The following MEIKIN variants were observed in gnomAD, a reference collection of about 807,000 sequenced individuals.
MEIKIN encodes meiotic kinetochore factor, also known as meiosis-specific kinetochore protein.
At chr5:131,906,977 A>G (rs544383744) in intron 8 of MEIKIN, among the ~76,000 whole-genome samples, 4 of 152,358 alleles carry the variant, frequency 2.6e-5, no homozygotes, top group Admixed American at 6.5e-5. Context: ...CAATTTATCT[A>G]CATAACAAAT....
At chr5:131,856,155 C>A (rs1210031001) in intron 9 of MEIKIN, among the ~76,000 whole-genome samples, 1 of 152,172 alleles carries the variant, frequency 6.6e-6, no homozygotes, top group African/African-American at 2.4e-5. Flanking sequence ...AACACATCAG[C>A]CTCTAACTTA....
intron 8 of MEIKIN, among the ~76,000 whole-genome samples, chr5:131,879,325 T>C (rs1750666627): frequency 6.6e-6 from 1 of 152,200 alleles, no homozygotes; most frequent in East Asian, 1.9e-4. Flanking sequence ...CATGTGATTA[T>C]ACTTCTTCAT....
chr5:131,872,199 C>G (rs539866524), intron 9 of MEIKIN, among the ~76,000 whole-genome samples: 8 of 151,170 alleles, frequency 5.3e-5, no homozygotes, highest in African/African-American at 1.9e-4. Context: ...CAAACTACTC[C>G]GAGCTAAAGG....
intron 12 of MEIKIN, among the ~76,000 whole-genome samples, chr5:131,812,141 T>C (rs1772969568): frequency 1.3e-5 from 2 of 152,232 alleles, no homozygotes; most frequent in African/African-American, 2.4e-5. Context: ...ATGTAGATAA[T>C]ATTAAATATA....
intron 8 of MEIKIN, among the ~76,000 whole-genome samples, chr5:131,884,811 G>C (rs1468655573): frequency 1.3e-5 from 2 of 151,134 alleles, no homozygotes; most frequent in Non-Finnish European, 3.0e-5. Flanking sequence ...CTGCCCTGAA[G>C]GGTGAGTCCC....
intron 4 of MEIKIN, among the ~76,000 whole-genome samples, chr5:131,934,243 G>A (rs1751737126): frequency 6.6e-6 from 1 of 151,842 alleles, no homozygotes; most frequent in Non-Finnish European, 1.5e-5. Context: ...TTATAGGCGT[G>A]AGCCACCGTG....
At chr5:131,892,418 T>A (rs973169370) in intron 8 of MEIKIN, among the ~76,000 whole-genome samples, 1 of 152,196 alleles carries the variant, frequency 6.6e-6, no homozygotes, top group African/African-American at 2.4e-5. Context: ...TCGTTTCTTT[T>A]TATTCTTTTT....
At chr5:131,881,739 A>G (rs994227995) in intron 8 of MEIKIN, among the ~76,000 whole-genome samples, 2 of 152,182 alleles carry the variant, frequency 1.3e-5, no homozygotes, top group Admixed American at 6.5e-5. Context: ...TACCACCCAG[A>G]TCAAGATACA....
intron 9 of MEIKIN, among the ~76,000 whole-genome samples, chr5:131,867,107 A>C (rs1298590784): frequency 1.3e-5 from 2 of 152,150 alleles, no homozygotes; most frequent in African/African-American, 4.8e-5. Flanking sequence ...ACCCATTCTA[A>C]TCTGGTTTGC....
intron 3 of MEIKIN, 129 bp downstream of exon 3, chr5:131,944,536 T>C (rs1391893620): frequency 5.1e-6 from 2 of 395,802 alleles, no homozygotes; most frequent in Non-Finnish European, 8.9e-6. Flanking sequence ...TAAGTGTTTA[T>C]AAAAATACTG....
At chr5:131,823,322 T>C (rs1749553172) in intron 11 of MEIKIN, among the ~76,000 whole-genome samples, 1 of 152,144 alleles carries the variant, frequency 6.6e-6, no homozygotes, top group African/African-American at 2.4e-5. Flanking sequence ...CAATAACTCT[T>C]GGGTTTGCCC....
At chr5:131,810,655 T>C (rs552319493) in intron 12 of MEIKIN, among the ~76,000 whole-genome samples, 1 of 152,332 alleles carries the variant, frequency 6.6e-6, no homozygotes, top group East Asian at 1.9e-4. Context: ...AGGTCTGTAG[T>C]TATTCTGGTG....
chr5:131,934,028 C>T (rs1267942076), intron 4 of MEIKIN, among the ~76,000 whole-genome samples: 1 of 152,080 alleles, frequency 6.6e-6, no homozygotes, highest in African/African-American at 2.4e-5. Flanking sequence ...TCACTACAAC[C>T]TCCGCCTCCC....
Position 131,912,897 on chromosome 5 carries a change from T to A in MEIKIN, c.639-1018A>T, listed in dbSNP as rs114459711. Among the ~76,000 whole-genome samples the A allele has an allele frequency of 4.7e-3, 712 of 152,316 alleles. 8 individuals are homozygous for A. The highest frequency in any genetic ancestry group is 0.016 in the African/African-American group (677 of 41,580). On this transcript the variant is annotated intron_variant, in intron 7 of 12. Coordinates refer to ENST00000442687, the MANE Select transcript of MEIKIN (RefSeq NM_001303622.2). ...TGTGGGAAGAGCAACCACCATTGGT[T>A]TCATCTCTGTTTCTTGTTCTTTTCC...
At chr5:131,875,158 A>C (rs1750589595) in intron 9 of MEIKIN, among the ~76,000 whole-genome samples, 1 of 152,220 alleles carries the variant, frequency 6.6e-6, no homozygotes, top group Non-Finnish European at 1.5e-5. Context: ...ATCAGCCAGG[A>C]GAAGGAAATA....
chr5:131,892,610 A>G (rs192732823), intron 8 of MEIKIN, among the ~76,000 whole-genome samples: 1 of 152,250 alleles, frequency 6.6e-6, no homozygotes, highest in East Asian at 1.9e-4. Flanking sequence ...CTAGTTATCC[A>G]TTCATCTAAT....
chr5:131,939,077 G>C (rs761177868), intron 4 of MEIKIN, among the ~76,000 whole-genome samples: 11 of 152,146 alleles, frequency 7.2e-5, no homozygotes, highest in Non-Finnish European at 1.5e-4. Context: ...AAAATATACA[G>C]ACTTTCACTT....
chr5:131,871,981 C>A (rs1325814023), intron 9 of MEIKIN, among the ~76,000 whole-genome samples: 1 of 152,026 alleles, frequency 6.6e-6, no homozygotes, highest in Non-Finnish European at 1.5e-5. Flanking sequence ...GGACATCCAC[C>A]CCAAAAACCC....
At chr5:131,828,569 A>C (rs1749655250) in intron 11 of MEIKIN, among the ~76,000 whole-genome samples, 1 of 152,212 alleles carries the variant, frequency 6.6e-6, no homozygotes, top group African/African-American at 2.4e-5. Flanking sequence ...CCAATACAGG[A>C]AGCCCAATCT....
Sources: gnomAD v4.1 joint callset for allele counts (sites outside exome capture counted in the v4.1 genomes callset) on GRCh38, gnomAD v4.1.1 for gene constraint, MANE v1.5 for transcripts, NCBI Gene and HGNC (gene_info 2026-07-23, HGNC 2026-07-21) for gene names.